The following KMO variants were observed in gnomAD, a reference collection of about 807,000 sequenced individuals.
KMO encodes the protein kynurenine 3-monooxygenase, also known as kynurenine 3-hydroxylase.
A neutral mutation model predicts 57.8 loss-of-function variants in KMO; 24 were observed. The ratio of observed to expected loss-of-function variants is 0.42; its 90% CI spans 0.30 to 0.58. KMO has a LOEUF of 0.58. KMO is among the 20% of genes least tolerant of loss of function. The pLI is 0.22. For missense variants in KMO, 483 were observed against 588.2 expected, an observed-to-expected ratio of 0.82 and a Z score of 1.85; for synonymous variants, 210 against 193.6, an observed-to-expected ratio of 1.08 and a Z score of -0.70.
chr1:241,563,004 T>A (rs535937598), intron 7 of KMO, among the ~76,000 whole-genome samples: 2 of 152,110 alleles, frequency 1.3e-5, no homozygotes, highest in African/African-American at 4.8e-5. Context: ...ACATAAAGGA[T>A]TTAAATAATA....
chr1:241,568,550 C>T lies in KMO; in HGVS notation c.860C>T (p.Ser287Phe), dbSNP rs757095194. The part of the protein sequence containing the change: ...FFLLPAQPMI[S>F]VKCSSFHFKS... The stretch of plus-strand genomic sequence containing the variant: ...CTGTTGCCTGCCCAGCCCATGATAT[C>T]TGTAAAGTGCTCTTCATTTCACTTT... The change falls in exon 10 of 15, where the codon TCT becomes TTT. Residue 287 changes from serine to phenylalanine, a missense_variant. Transcript: ENST00000366559. 1.4e-5 allele frequency: 22 copies of T among 1,613,738 alleles called. No individual in the cohort carries two copies. Among genetic ancestry groups the T allele is most frequent in the Admixed American group, 3.3e-5 (2 of 59,996 alleles).
intron 8 of KMO, among the ~76,000 whole-genome samples, 155 bp from the exon 9 acceptor site, chr1:241,566,336 A>G (rs1276216679): frequency 6.6e-6 from 1 of 152,194 alleles, no homozygotes; most frequent in African/African-American, 2.4e-5. Context: ...CTTTGGGAGC[A>G]GGGGAACAAA....
intron 2 of KMO, among the ~76,000 whole-genome samples, chr1:241,549,241 GAAAGAAAGAAAGAAAGAAAGAAAGA>G (rs1661286950): frequency 1.9e-4 from 3 of 16,120 alleles, no homozygotes; most frequent in African/African-American, 3.7e-4. Flanking sequence ...AAGAAAGAAA[GAAAGAAAGAAAGAAAGAAAGAAAGA>G]AAGGAAGGAA....
chr1:241,542,373 C>T (rs933277091), intron 1 of KMO, among the ~76,000 whole-genome samples: 2 of 152,104 alleles, frequency 1.3e-5, no homozygotes, highest in East Asian at 1.9e-4. Flanking sequence ...GGAAGTATGA[C>T]GAGACAGAAG....
At chr1:241,576,249 C>A (rs1222423100) in intron 10 of KMO, among the ~76,000 whole-genome samples, 21 of 151,946 alleles carry the variant, frequency 1.4e-4, no homozygotes, top group Admixed American at 1.4e-3. Flanking sequence ...AGCATTTCGA[C>A]AATTTACGTT....
At chr1:241,576,024 C>CTTT (rs34772001) in intron 10 of KMO, among the ~76,000 whole-genome samples, 1 of 143,256 alleles carries the variant, frequency 7.0e-6, no homozygotes, top group African/African-American at 2.5e-5. Flanking sequence ...CCTTCTTTGT[C>CTTT]TTTTTTTTTT....
intron 12 of KMO, 54 bp from the exon 13 acceptor site, chr1:241,589,958 T>G (rs1167647308): frequency 1.5e-6 from 2 of 1,300,914 alleles, no homozygotes; most frequent in Non-Finnish European, 2.2e-6. Context: ...TAAGTCGCAG[T>G]GAGAAATAGC....
intron 8 of KMO, 29 bp from the exon 9 acceptor site, chr1:241,566,462 C>T (rs1397205722): frequency 1.2e-6 from 2 of 1,601,098 alleles, no homozygotes; most frequent in Admixed American, 1.7e-5. Flanking sequence ...CCCCCATCCC[C>T]TTTCACTCTG....
At chr1:241,586,830 G>C in intron 11 of KMO, 94 bp downstream of exon 11, 3 of 834,462 alleles carry the variant, frequency 3.6e-6, no homozygotes, top group Non-Finnish European at 5.9e-6. Flanking sequence ...AACCTGTGAT[G>C]TATAATGTAT....
At chr1:241,590,436 A>G (rs1406804669) in intron 14 of KMO, 173 bp downstream of exon 14, 2 of 555,182 alleles carry the variant, frequency 3.6e-6, no homozygotes, top group African/African-American at 1.9e-5. Flanking sequence ...ACTGAAAAAC[A>G]TTACAAGGAG....
chr1:241,590,201 C>A lies in KMO; in HGVS notation c.1201-3C>A, dbSNP rs1474958578. 1 of 1,612,662 alleles carries A rather than the reference C, an allele frequency of 6.2e-7. No homozygotes were observed. Among genetic ancestry groups the A allele is most frequent in the Non-Finnish European group, 8.5e-7 (1 of 1,179,346 alleles). ...CAAGAATACTTTTTAAACTTCCCTG[C>A]AGGTCACTTTTTCCAGAATAAGATA... On this transcript the variant is annotated splice_region_variant and splice_polypyrimidine_tract_variant and intron_variant, in intron 13 of 14. Transcript: ENST00000366559.
chr1:241,540,636 G>A (rs1040033048), intron 1 of KMO, among the ~76,000 whole-genome samples: 17 of 152,090 alleles, frequency 1.1e-4, no homozygotes, highest in African/African-American at 3.9e-4. Context: ...AGTGCATAAT[G>A]AACTGGAGAA....
intron 10 of KMO, among the ~76,000 whole-genome samples, chr1:241,581,713 A>T (rs983958735): frequency 2.0e-5 from 3 of 152,098 alleles, no homozygotes; most frequent in Admixed American, 6.5e-5. Context: ...GTCTCTATAT[A>T]TATCTTTTTA....
At chr1:241,587,511 C>T (rs2147984404) in intron 11 of KMO, among the ~76,000 whole-genome samples, 1 of 152,194 alleles carries the variant, frequency 6.6e-6, no homozygotes, top group Admixed American at 6.5e-5. Flanking sequence ...GGCTGAAGTT[C>T]AGTGGCCTCA....
intron 9 of KMO, among the ~76,000 whole-genome samples, chr1:241,567,217 A>C (rs1019094396): frequency 6.6e-6 from 1 of 152,204 alleles, no homozygotes; most frequent in South Asian, 2.1e-4. Flanking sequence ...AGTGAGCCAT[A>C]ATAAAACTAC....
chr1:241,540,800 A>G (rs1437669615), intron 1 of KMO, among the ~76,000 whole-genome samples: 2 of 152,170 alleles, frequency 1.3e-5, no homozygotes, highest in Non-Finnish European at 2.9e-5. Context: ...ATGATGGTTC[A>G]TGCCTATAAT....
intron 14 of KMO, among the ~76,000 whole-genome samples, chr1:241,591,337 C>T (rs906794818): frequency 1.3e-5 from 2 of 151,808 alleles, no homozygotes; most frequent in African/African-American, 4.8e-5. Flanking sequence ...ATGATTTTCA[C>T]TATAGCTATG....
chr1:241,549,295 A>G (rs1573909660), intron 2 of KMO, among the ~76,000 whole-genome samples: 1 of 149,328 alleles, frequency 6.7e-6, no homozygotes, highest in Non-Finnish European at 1.5e-5. Flanking sequence ...GAAAGGAGAA[A>G]GAGCAAGAAA....
chr1:241,595,639 G>C lies in KMO; in HGVS notation c.*3486G>C, dbSNP rs1475938989. The C allele has an allele frequency of 1.3e-5, 2 of 152,074 alleles. No homozygotes were observed. Among genetic ancestry groups the C allele is most frequent in the African/African-American group, 4.8e-5 (2 of 41,418 alleles). The allele number at this position is 152,074 out of a possible 1,614,324, so 9.4% of individuals were successfully genotyped here. A position where few individuals can be genotyped will look rare whatever the true frequency, so the allele number is the denominator to read the frequency against. ...ATACCAATTAAAAATATAATAAATAGCTACATTGATTTCTGTCTTTTTTGT... is the reference window on the plus strand; with the variant it reads ...ATACCAATTAAAAATATAATAAATACCTACATTGATTTCTGTCTTTTTTGT... On this transcript the variant is annotated 3_prime_UTR_variant, in exon 15 of 15. Transcript: ENST00000366559.
Sources: gnomAD v4.1 joint callset for allele counts (sites outside exome capture counted in the v4.1 genomes callset) on GRCh38, gnomAD v4.1.1 for gene constraint, MANE v1.5 for transcripts, NCBI Gene and HGNC (gene_info 2026-07-23, HGNC 2026-07-21) for gene names.